Variants in ZNF34 observed in about 807,000 individuals in gnomAD.
ZNF34 encodes zinc finger protein 34 (KOX 32).
ZNF34 carries 8 observed loss-of-function variants against 14.4 expected under a neutral mutation model. The ratio of observed to expected loss-of-function variants is 0.55; its 90% CI spans 0.33 to 1.00. The LOEUF (loss-of-function observed/expected upper bound fraction) is 1.00, where lower values mean the gene tolerates loss of function less well. Among genes scored for constraint, ZNF34 ranks in the 50% least tolerant of loss-of-function variants. The probability of loss-of-function intolerance (pLI) is 0.03; values close to 1 mark genes in which losing one functional copy is unlikely to be tolerated. For missense variants in ZNF34, 538 were observed against 674.2 expected (o/e 0.80, Z 2.24); for synonymous variants, 235 against 247.9 (o/e 0.95, Z 0.49).
intron 1 of ZNF34, among the ~76,000 whole-genome samples, chr8:144,781,134 C>T (rs983039441): frequency 3.6e-5 from 5 of 140,312 alleles, no homozygotes; most frequent in African/African-American, 1.3e-4. Flanking sequence ...GACTCCATCT[C>T]AAATAAATAA....
intron 1 of ZNF34, among the ~76,000 whole-genome samples, chr8:144,782,419 G>A (rs1314147852): frequency 6.6e-6 from 1 of 152,072 alleles, no homozygotes; most frequent in East Asian, 1.9e-4. Context: ...GAATTCGGGA[G>A]GTGGAGGTTG....
chr8:144,776,352 T>C (rs2953858), intron 5 of ZNF34, among the ~76,000 whole-genome samples: 106,030 of 150,354 alleles, frequency 0.71, 38,306 homozygotes, highest in African/African-American at 0.89. Context: ...ATAATCCCAG[T>C]ACTTTGGGAG....
In ZNF34 at chr8:144,777,974, A is replaced by C. The variant is rs1825628327; in HGVS notation, c.160+64T>G. 3 of 1,596,346 alleles carry C rather than the reference A, an allele frequency of 1.9e-6. No individual in the cohort carries two copies. The highest frequency in any genetic ancestry group is 4.5e-5 in the East Asian group (2 of 44,042). On this transcript the variant is annotated intron_variant, in intron 4 of 5. Coordinates refer to ENST00000429371, the MANE Select transcript of ZNF34 (RefSeq NM_001286769.2). This position sits in a 1 kb window ranked among gnomAD's most constrained non-coding sequence, Gnocchi z 4.8. ...GCCCAGGGGGTGAGGCCCCTAGCCC[A>C]GCCTCTGCTGAGCCCTTAGCCCCCA...
intron 5 of ZNF34, among the ~76,000 whole-genome samples, chr8:144,775,496 C>A (rs1825452406): frequency 6.6e-6 from 1 of 152,136 alleles, no homozygotes; most frequent in South Asian, 2.1e-4. Context: ...TAGAAGGGAA[C>A]ATAAGTTGTG....
chr8:144,780,349 C>T, intron 1 of ZNF34, 69 bp from the exon 2 acceptor site: 1 of 1,148,468 alleles, frequency 8.7e-7, no homozygotes, highest in Non-Finnish European at 1.3e-6. Context: ...TAAAATGAAG[C>T]TGTGGTAGCT....
intron 1 of ZNF34, among the ~76,000 whole-genome samples, chr8:144,786,672 G>GAAGAA (rs982969579): frequency 2.6e-5 from 4 of 151,526 alleles, no homozygotes; most frequent in African/African-American, 4.9e-5. Flanking sequence ...GAAGAGAAGA[G>GAAGAA]AAAAGAAAAG....
In ZNF34 at chr8:144,779,848, G is replaced by A. The variant is rs1825754075; in HGVS notation, c.-55+380C>T. The stretch of plus-strand genomic sequence containing the variant: ...ACGACAATACTCATTCACTTTACAT[G>A]GAAGAATGAAGACAAAATGTTAAGG... On this transcript the variant is annotated intron_variant, in intron 2 of 5. Coordinates refer to ENST00000429371, the MANE Select transcript of ZNF34 (RefSeq NM_001286769.2). The surrounding 1 kb of genome is among the most constrained non-coding windows in gnomAD (Gnocchi z 4.1). 6.6e-6 allele frequency among the ~76,000 whole-genome samples: 1 copy of A among 151,868 alleles called. No homozygotes were observed. The highest frequency in any genetic ancestry group is 1.5e-5 in the Non-Finnish European group (1 of 67,984).
chr8:144,780,604 A>G (rs1197077950), intron 1 of ZNF34, among the ~76,000 whole-genome samples: 1 of 151,830 alleles, frequency 6.6e-6, no homozygotes, highest in African/African-American at 2.4e-5. Context: ...CCTGGCCACC[A>G]TGTGGTGAAA....
At chr8:144,775,006 G>A (rs573682979) in intron 5 of ZNF34, among the ~76,000 whole-genome samples, 1 of 152,290 alleles carries the variant, frequency 6.6e-6, no homozygotes, top group African/African-American at 2.4e-5. Flanking sequence ...CTACCTTTCT[G>A]AGCCTTGGTT....
chr8:144,776,365 C>A (rs1825515386), intron 5 of ZNF34, among the ~76,000 whole-genome samples: 1 of 150,348 alleles, frequency 6.7e-6, no homozygotes, highest in African/African-American at 2.5e-5. Flanking sequence ...TTTGGGAGGC[C>A]AAGGTGGGAG....
At chr8:144,782,703 GGCATGT>G (rs973322404) in intron 1 of ZNF34, among the ~76,000 whole-genome samples, 1 of 151,482 alleles carries the variant, frequency 6.6e-6, no homozygotes, top group African/African-American at 2.4e-5. Flanking sequence ...CAGGCATGGT[GGCATGT>G]GCCTGTAGTC....
Position 144,774,018 on chromosome 8 carries a change from C to T in ZNF34, c.868G>A (p.Glu290Lys), listed in dbSNP as rs748749423. 7 of 1,614,092 alleles carry T rather than the reference C, an allele frequency of 4.3e-6. No individual in the cohort carries two copies. The highest frequency in any genetic ancestry group is 5.9e-6 in the Non-Finnish European group (7 of 1,179,986). ...CTCCGGGTGAATGTCTTCCCACACT[C>T]GTCACACCGGTAGGGAATCTCTCCT... Reference protein sequence around the residue: ...HSGEIPYRCDECGKTFTRRPN... With the variant: ...HSGEIPYRCDKCGKTFTRRPN... The change falls in exon 6 of 6, where the codon GAG becomes AAG. Residue 290 changes from glutamate to lysine, a missense_variant. Around this residue, in one of 3 missense-constraint regions of ZNF34, gnomAD observed 431 missense variants for 525.7 expected, o/e 0.82. Coordinates refer to ENST00000429371, the MANE Select transcript of ZNF34 (RefSeq NM_001286769.2).
rs969496411 is a variant in ZNF34, at chr8:144,774,331, C to A, written c.555G>T (p.Gln185His). The change falls in exon 6 of 6, where the codon CAG (glutamine) becomes CAT (histidine). Residue 185 changes from glutamine (Q) to histidine (H), a missense_variant. Coordinates refer to ENST00000429371, the MANE Select transcript of ZNF34 (RefSeq NM_001286769.2). ...GCTTATGGTTGTTGAGATATGATCT[C>A]TGTTCAAAACTTTGCTCACATATAT... ...KCDICEQSFEQRSYLNNHKRV... is the reference protein window; with the variant it reads ...KCDICEQSFEHRSYLNNHKRV... The A allele has an allele frequency of 7.4e-6, 12 of 1,612,120 alleles. No homozygotes were observed. The African/African-American group carries it at 1.6e-4, about 22-fold the overall frequency.
chr8:144,784,104 G>A (rs1285409216), intron 1 of ZNF34, among the ~76,000 whole-genome samples: 1 of 147,454 alleles, frequency 6.8e-6, no homozygotes, highest in East Asian at 2.0e-4. Context: ...AGGTTACAGT[G>A]AGCCGAGATC....
intron 1 of ZNF34, among the ~76,000 whole-genome samples, chr8:144,784,259 A>G (rs1209255135): frequency 6.6e-6 from 1 of 151,984 alleles, no homozygotes; most frequent in Non-Finnish European, 1.5e-5. Context: ...GGCTATGGTA[A>G]TGGAAAGTGA....
At chr8:144,780,832 T>TA (rs1459867841) in intron 1 of ZNF34, among the ~76,000 whole-genome samples, 7 of 145,640 alleles carry the variant, frequency 4.8e-5, no homozygotes, top group East Asian at 4.3e-4. Context: ...CTAATAGGAA[T>TA]AAAAAAAACA....
intron 2 of ZNF34, 51 bp from the exon 3 acceptor site, chr8:144,778,576 ACAGCT>A (rs1825678245): frequency 7.0e-7 from 1 of 1,426,458 alleles, no homozygotes; most frequent in South Asian, 1.4e-5. Flanking sequence ...CCCTTCTTCC[ACAGCT>A]CAGGCTACTT....
Position 144,774,362 on chromosome 8 carries a change from T to C in ZNF34, c.524A>G (p.Lys175Arg), listed in dbSNP as rs530408276. ...SRPVPDQRPHKCDICEQSFEQ... is the reference protein window; with the variant it reads ...SRPVPDQRPHRCDICEQSFEQ... ...AAAACTTTGCTCACATATATCACATTTGTGAGGTCTCTGATCAGGAACAGG... is the reference window on the plus strand; with the variant it reads ...AAAACTTTGCTCACATATATCACATCTGTGAGGTCTCTGATCAGGAACAGG... Residue 175 changes from lysine to arginine, a missense_variant, in exon 6 of 6, where the codon AAA becomes AGA. This residue lies in a region of ZNF34 where 431 missense variants were observed against 525.7 expected (regional missense o/e 0.82). Coordinates refer to ENST00000429371, the MANE Select transcript of ZNF34 (RefSeq NM_001286769.2). 1 of 1,613,020 alleles carries C rather than the reference T, an allele frequency of 6.2e-7. No individual in the cohort carries two copies. The highest frequency in any genetic ancestry group is 1.3e-5 in the African/African-American group (1 of 75,044).
In ZNF34 at chr8:144,772,486, CCA is replaced by C. The variant is rs1418087584; in HGVS notation, c.*778_*779del. Reference sequence around the variant, plus strand: ...GTAAATTTCATATTATGTTATTTCACCACAGTTAAAGGCAACTTCAACTCTAT... The same window carrying C: ...GTAAATTTCATATTATGTTATTTCACCAGTTAAAGGCAACTTCAACTCTAT... On this transcript the variant is annotated 3_prime_UTR_variant, in exon 6 of 6. Transcript: ENST00000429371. 6.6e-6 allele frequency among the ~76,000 whole-genome samples: 1 copy of C among 152,178 alleles called. No homozygotes were observed. Among genetic ancestry groups the C allele is most frequent in the African/African-American group, 2.4e-5 (1 of 41,424 alleles).
Sources: allele counts gnomAD v4.1 joint callset (sites outside exome capture counted in the v4.1 genomes callset), GRCh38; gene constraint gnomAD v4.1.1; regional missense constraint gnomAD v4.1.1; non-coding constraint Gnocchi (gnomAD v3.1); transcripts MANE v1.5; gene names NCBI Gene and HGNC (gene_info 2026-07-23, HGNC 2026-07-21).